Variants in SHTN1 observed in about 807,000 individuals in gnomAD.
The protein encoded by SHTN1 is shootin-1.
In SHTN1, 42 loss-of-function variants were observed where a neutral mutation model predicts 83.1. That is an observed-to-expected ratio of 0.51 (90% CI 0.39 to 0.65). The LOEUF (loss-of-function observed/expected upper bound fraction) is 0.65. Among genes scored for constraint, SHTN1 ranks in the 30% least tolerant of loss-of-function variants. The probability of loss-of-function intolerance (pLI) is 0.00; values close to 1 mark genes in which losing one functional copy is unlikely to be tolerated. For missense variants in SHTN1, 622 were observed against 737.8 expected (o/e 0.84, Z 1.82); for synonymous variants, 224 against 247.7 (o/e 0.90, Z 0.90).
chr10:117,016,143 G>A (rs1358056656), intron 2 of SHTN1, among the ~76,000 whole-genome samples: 4 of 152,030 alleles, frequency 2.6e-5, no homozygotes, highest in African/African-American at 9.7e-5. Context: ...CTCTTACACA[G>A]GTTCAAAAAT....
intron 9 of SHTN1, among the ~76,000 whole-genome samples, chr10:116,935,378 G>GTGT (rs1849120236): frequency 3.9e-5 from 6 of 152,126 alleles, no homozygotes; most frequent in Admixed American, 3.9e-4. Flanking sequence ...GCATGAAGGG[G>GTGT]TGTTGAATTT....
chr10:116,886,649 A>G (rs375549420), intron 16 of SHTN1, 83 bp from the exon 17 acceptor site: 8 of 1,562,794 alleles, frequency 5.1e-6, no homozygotes, highest in Middle Eastern at 1.7e-4. Flanking sequence ...TCAGACTAAC[A>G]TAAAACCCAA....
At chr10:117,084,153 G>A (rs1589925441) in intron 1 of SHTN1, among the ~76,000 whole-genome samples, 1 of 152,086 alleles carries the variant, frequency 6.6e-6, no homozygotes, top group East Asian at 1.9e-4. Context: ...TTTCTGTTCT[G>A]TTTTTTCCCC....
Position 116,945,034 on chromosome 10 carries a change from GA to G in SHTN1, c.617-17del, listed in dbSNP as rs575881151. ...AACATGGACACTTAAGAAGATAAAG[GA>G]AAAAAAAAACCCAGACAATAAGTCA... On this transcript the variant is annotated splice_polypyrimidine_tract_variant and intron_variant, in intron 7 of 16. Coordinates refer to ENST00000355371, the MANE Select transcript of SHTN1 (RefSeq NM_001127211.3). The G allele has an allele frequency of 7.8e-4, 1,018 of 1,307,286 alleles. No individual in the cohort carries two copies. Among genetic ancestry groups the G allele is most frequent in the South Asian group, 8.6e-4 (61 of 71,114 alleles). The allele number at this position is 1,307,286 out of a possible 1,614,324, so 81.0% of individuals were successfully genotyped here. A position where few individuals can be genotyped will look rare whatever the true frequency, so the allele number is the denominator to read the frequency against.
At chr10:116,980,500 G>T (rs1850975275) in intron 1 of SHTN1, among the ~76,000 whole-genome samples, 1 of 149,444 alleles carries the variant, frequency 6.7e-6, no homozygotes, top group African/African-American at 2.5e-5. Flanking sequence ...TTGCTATTTT[G>T]CCCAGCCTGG....
chr10:117,097,024 C>CACAT (rs1209163577), intron 1 of SHTN1, among the ~76,000 whole-genome samples: 1 of 121,334 alleles, frequency 8.2e-6, no homozygotes, highest in Non-Finnish European at 1.7e-5. Flanking sequence ...CACACACACA[C>CACAT]ACATAGACAC....
At chr10:117,029,408 T>C (rs923920136) in intron 2 of SHTN1, among the ~76,000 whole-genome samples, 3 of 152,122 alleles carry the variant, frequency 2.0e-5, no homozygotes, top group East Asian at 1.9e-4. Flanking sequence ...ACCTTGGGGA[T>C]TGTTGAGAAG....
intron 1 of SHTN1, among the ~76,000 whole-genome samples, chr10:117,100,704 T>C (rs190842962): frequency 6.6e-6 from 1 of 152,308 alleles, no homozygotes; most frequent in East Asian, 1.9e-4. Flanking sequence ...TTGGCTACCA[T>C]TCATTTAGCT....
intron 6 of SHTN1, among the ~76,000 whole-genome samples, chr10:116,950,176 T>G (rs1849725918): frequency 2.0e-5 from 3 of 152,086 alleles, no homozygotes; most frequent in South Asian, 2.1e-4. Context: ...TAAAAATAAT[T>G]TTTTTAGAGA....
In SHTN1 at chr10:116,994,369, C is replaced by T. The variant is rs188373718; in HGVS notation, c.58+10653G>A. ...TAACAAAAGTTGAATTAATTTATTA[C>T]GAGATTTAAAATGGAGCCTTGATAT... On this transcript the variant is annotated intron_variant, in intron 1 of 16. Coordinates refer to ENST00000355371, the MANE Select transcript of SHTN1 (RefSeq NM_001127211.3). Among the ~76,000 whole-genome samples the T allele has an allele frequency of 4.7e-4, 71 of 152,082 alleles. 2 individuals are homozygous for T. Among genetic ancestry groups the T allele is most frequent in the African/African-American group, 6.7e-4 (28 of 41,526 alleles).
chr10:116,947,819 C>T (rs1289099225), intron 7 of SHTN1, among the ~76,000 whole-genome samples: 1 of 152,152 alleles, frequency 6.6e-6, no homozygotes, highest in Non-Finnish European at 1.5e-5. Flanking sequence ...TTGCAGAACC[C>T]TTTTCCTAGC....
chr10:117,097,192 C>T (rs912096262), intron 1 of SHTN1, among the ~76,000 whole-genome samples: 3 of 152,198 alleles, frequency 2.0e-5, no homozygotes, highest in East Asian at 1.9e-4. Context: ...CTAGTTGAGA[C>T]ATTTGTTTTT....
At chr10:117,099,419 A>G (rs1244766165) in intron 1 of SHTN1, among the ~76,000 whole-genome samples, 1 of 152,210 alleles carries the variant, frequency 6.6e-6, no homozygotes, top group Non-Finnish European at 1.5e-5. Flanking sequence ...TTTGAATATA[A>G]AATCTCATTT....
chr10:117,015,317 GTTTT>G (rs567955145), intron 2 of SHTN1, among the ~76,000 whole-genome samples: 3 of 151,904 alleles, frequency 2.0e-5, no homozygotes, highest in Non-Finnish European at 4.4e-5. Context: ...GTTTGTTTTG[GTTTT>G]TTGTTTTTGT....
chr10:117,106,492 T>C (rs541795932), intron 1 of SHTN1, among the ~76,000 whole-genome samples: 1 of 152,128 alleles, frequency 6.6e-6, no homozygotes, highest in East Asian at 1.9e-4. Flanking sequence ...TCTAATGATG[T>C]CCTATGTTGA....
intron 1 of SHTN1, among the ~76,000 whole-genome samples, chr10:117,110,567 C>T (rs536346963): frequency 6.6e-6 from 1 of 151,066 alleles, no homozygotes; most frequent in African/African-American, 2.4e-5. Context: ...CACCATGTTG[C>T]CCAGGCTGGT....
intron 1 of SHTN1, among the ~76,000 whole-genome samples, chr10:117,112,013 T>C (rs184922045): frequency 7.2e-5 from 11 of 152,290 alleles, no homozygotes; most frequent in African/African-American, 2.4e-4. Flanking sequence ...TCACCCAGGC[T>C]GGAGTCCAGT....
intron 2 of SHTN1, among the ~76,000 whole-genome samples, chr10:117,031,907 A>G (rs541093440): frequency 1.3e-4 from 20 of 152,186 alleles, no homozygotes; most frequent in Non-Finnish European, 2.5e-4. Flanking sequence ...TTACTTATCA[A>G]TAATAACAGT....
At chr10:117,027,709 A>G (rs1200629313) in intron 2 of SHTN1, among the ~76,000 whole-genome samples, 2 of 152,298 alleles carry the variant, frequency 1.3e-5, no homozygotes, top group East Asian at 3.9e-4. Context: ...CATGTTAGCC[A>G]GGATGGTCTC....
Sources: allele counts gnomAD v4.1 joint callset (sites outside exome capture counted in the v4.1 genomes callset), GRCh38; gene constraint gnomAD v4.1.1; transcripts MANE v1.5; gene names NCBI Gene and HGNC (gene_info 2026-07-23, HGNC 2026-07-21).